Variants in FAM204A observed in about 807,000 individuals in gnomAD.
FAM204A encodes the protein protein FAM204A.
A neutral mutation model predicts 35.4 loss-of-function variants in FAM204A; 16 were observed. The observed-to-expected ratio is 0.45, with a 90% confidence interval of 0.31 to 0.69. FAM204A has a LOEUF of 0.69. Ranked by LOEUF, FAM204A falls within the 30% of genes least tolerant of loss-of-function variation. FAM204A has a pLI of 0.07. For missense variants in FAM204A, 240 were observed against 265.7 expected, an observed-to-expected ratio of 0.90 and a Z score of 0.67; for synonymous variants, 76 against 86.9, an observed-to-expected ratio of 0.88 and a Z score of 0.70.
At chr10:118,340,245 A>C (rs1236504286) in intron 2 of FAM204A, among the ~76,000 whole-genome samples, 1 of 152,232 alleles carries the variant, frequency 6.6e-6, no homozygotes, top group Non-Finnish European at 1.5e-5. Flanking sequence ...CAATCTTTCA[A>C]AATAAAGCAG....
chr10:118,325,594 C>T (rs1846185577), intron 7 of FAM204A, among the ~76,000 whole-genome samples: 1 of 151,966 alleles, frequency 6.6e-6, no homozygotes, highest in African/African-American at 2.4e-5. Context: ...GGGAATTTGC[C>T]CACACCCCAC....
At position 118,302,267 on chromosome 10, in the gene FAM204A, G is replaced by C. The variant is rs1412743943; in HGVS notation, c.*8590C>G. ...TGAGAAAAGGAAATGCAGGAAGAGG[G>C]ATCCATTTCTTCCAGATTCTGTTAT... is the stretch of plus-strand genomic sequence containing the variant. On this transcript the variant is annotated 3_prime_UTR_variant, in exon 9 of 9. Transcript: ENST00000369183. 1 of 152,198 alleles carries C rather than the reference G, an allele frequency of 6.6e-6. No individual in the cohort carries two copies. Among genetic ancestry groups the C allele is most frequent in the African/African-American group, 2.4e-5 (1 of 41,440 alleles). 9.4% of individuals were successfully genotyped at this position (152,198 alleles called of 1,614,324 possible). A position where few individuals can be genotyped will look rare whatever the true frequency, so the allele number is the denominator to read the frequency against.
intron 7 of FAM204A, among the ~76,000 whole-genome samples, chr10:118,315,701 C>T (rs1205164280): frequency 2.0e-5 from 3 of 152,076 alleles, no homozygotes; most frequent in African/African-American, 7.2e-5. Flanking sequence ...AAGCAAGTTA[C>T]CTAGGAGACG....
Position 118,336,312 on chromosome 10 carries a change from T to C in FAM204A, c.104A>G (p.Asp35Gly). The change falls in exon 3 of 9, where the codon GAT (aspartate) becomes GGT (glycine). Residue 35 changes from aspartate (D) to glycine (G), a missense_variant. By Grantham distance (94) the Asp-to-Gly change is moderately conservative (BLOSUM62 -1). This residue lies in a region of FAM204A where 232 missense variants were observed against 242.8 expected (regional missense o/e 0.96). Transcript: ENST00000369183. The part of the protein sequence containing the change: ...LENSGLNLQE[D>G]KEDESIRKTE... ...TTTTCTGATGCTCTCATCCTCTTTA[T>C]CTTCCTGTAAGTTAAGTCCAGAGTT... 1 of 1,614,060 alleles carries C rather than the reference T, an allele frequency of 6.2e-7. No homozygotes were observed. The highest frequency in any genetic ancestry group is 8.5e-7 in the Non-Finnish European group (1 of 1,179,910).
intron 6 of FAM204A, among the ~76,000 whole-genome samples, chr10:118,331,548 C>T (rs1846287790): frequency 6.6e-6 from 1 of 152,102 alleles, no homozygotes; most frequent in African/African-American, 2.4e-5. Flanking sequence ...ACATTGTGGG[C>T]TAACATCTAT....
chr10:118,314,826 G>C (rs1221778582), intron 7 of FAM204A, among the ~76,000 whole-genome samples: 4 of 152,022 alleles, frequency 2.6e-5, no homozygotes, highest in Non-Finnish European at 5.9e-5. Context: ...CCAATATTTT[G>C]CTGCATTTTA....
chr10:118,324,557 G>A (rs1165800289), intron 7 of FAM204A, among the ~76,000 whole-genome samples: 1 of 152,144 alleles, frequency 6.6e-6, no homozygotes, highest in Non-Finnish European at 1.5e-5. Context: ...GAGTAAATTT[G>A]AGGACACTAT....
Position 118,335,227 on chromosome 10 carries a change from G to GT in FAM204A, c.354-15dup, listed in dbSNP as rs1450554530. On this transcript the variant is annotated splice_polypyrimidine_tract_variant and intron_variant, in intron 5 of 8. Coordinates refer to ENST00000369183, the MANE Select transcript of FAM204A (RefSeq NM_022063.3). ...GAGGACGGTTCACTAAAAGAAGATA[G>GT]TAAGTTTTGTTTTATACAATATATA... 4.4e-6 allele frequency: 7 copies of GT among 1,606,778 alleles called. No individual in the cohort carries two copies. Among genetic ancestry groups the GT allele is most frequent in the East Asian group, 2.2e-5 (1 of 44,766 alleles).
chr10:118,319,583 A>T (rs1846080493), intron 7 of FAM204A, among the ~76,000 whole-genome samples: 10 of 152,028 alleles, frequency 6.6e-5, no homozygotes, highest in Admixed American at 6.6e-4. Flanking sequence ...TTATATTCTC[A>T]ATAATATTAA....
chr10:118,326,849 A>G (rs1275376487), intron 6 of FAM204A, among the ~76,000 whole-genome samples: 1 of 152,206 alleles, frequency 6.6e-6, no homozygotes, highest in Non-Finnish European at 1.5e-5. Flanking sequence ...TATGACCATT[A>G]GGCTGAATAT....
rs999398684 is a variant in FAM204A at position 118,301,926 on chromosome 10, A to C, written c.*8931T>G. 1 of 152,616 alleles carries C rather than the reference A, an allele frequency of 6.6e-6. No individual in the cohort carries two copies. The highest frequency in any genetic ancestry group is 1.5e-5 in the Non-Finnish European group (1 of 68,064). 9.5% of individuals were successfully genotyped at this position (152,616 alleles called of 1,614,324 possible). On this transcript the variant is annotated 3_prime_UTR_variant, in exon 9 of 9. Transcript: ENST00000369183. ...TATTCTAACATTTGCTGGCATCAGC[A>C]ACACACCTGCCTCCGTCCTTTTTCT...
chr10:118,321,872 A>T (rs939056588), intron 7 of FAM204A, among the ~76,000 whole-genome samples: 4 of 152,138 alleles, frequency 2.6e-5, no homozygotes, highest in Non-Finnish European at 2.9e-5. Flanking sequence ...AGCGAGGTAG[A>T]CAAGGACAGA....
intron 2 of FAM204A, among the ~76,000 whole-genome samples, chr10:118,339,549 T>C (rs550988487): frequency 6.6e-6 from 1 of 152,308 alleles, no homozygotes; most frequent in East Asian, 1.9e-4. Flanking sequence ...ACGTGGAATA[T>C]CAGAGAAACA....
At chr10:118,327,903 A>C (rs1184837529) in intron 6 of FAM204A, among the ~76,000 whole-genome samples, 7 of 152,186 alleles carry the variant, frequency 4.6e-5, no homozygotes, top group Non-Finnish European at 8.8e-5. Flanking sequence ...TTTGAGGCTG[A>C]AGTGGGCTAT....
intron 2 of FAM204A, among the ~76,000 whole-genome samples, chr10:118,338,195 CA>C (rs1589731982): frequency 6.6e-6 from 1 of 152,270 alleles, no homozygotes; most frequent in East Asian, 1.9e-4. Context: ...ATATAAGCTC[CA>C]GGCCCCATAA....
At chr10:118,311,703 A>T (rs1215793850) in intron 7 of FAM204A, among the ~76,000 whole-genome samples, 1 of 152,230 alleles carries the variant, frequency 6.6e-6, no homozygotes, top group Non-Finnish European at 1.5e-5. Context: ...GAATTACAGC[A>T]ACTCAGTATG....
rs562186126 is a variant in FAM204A at position 118,303,071 on chromosome 10, C to T, written c.*7786G>A. On this transcript the variant is annotated 3_prime_UTR_variant, in exon 9 of 9. Coordinates refer to ENST00000369183, the MANE Select transcript of FAM204A (RefSeq NM_022063.3). ...GGGTAGGGAAGAGGCAAAGGCCTGG[C>T]CTGCGTTCTAACGTCAGCCCTTTTA... The T allele has an allele frequency of 2.0e-5, 3 of 152,320 alleles. No individual in the cohort carries two copies. In the East Asian group the frequency reaches 5.8e-4, roughly 29 times the overall value. The allele number at this position is 152,320 out of a possible 1,614,324, so 9.4% of individuals were successfully genotyped here. A position where few individuals can be genotyped will look rare whatever the true frequency, so the allele number is the denominator to read the frequency against.
intron 7 of FAM204A, among the ~76,000 whole-genome samples, chr10:118,319,519 A>G (rs1283476701): frequency 6.6e-6 from 1 of 151,992 alleles, no homozygotes; most frequent in East Asian, 1.9e-4. Flanking sequence ...ATCTATAAAG[A>G]GGGTACCATT....
rs761106731 is a variant in FAM204A, at chr10:118,336,364, T to A, written c.52A>T (p.Asn18Tyr). ...PGLNESDAES[N>Y]SEDEATLENS... ...TCCAACGTAGCTTCATCTTCCGAGTTTGACTCAGCGTCACTTTCATTTAGG... is the reference window on the plus strand; with the variant it reads ...TCCAACGTAGCTTCATCTTCCGAGTATGACTCAGCGTCACTTTCATTTAGG... Residue 18 changes from asparagine (N) to tyrosine (Y), a missense_variant, in exon 3 of 9, where the codon AAC becomes TAC. Asn to Tyr is a moderately radical substitution (Grantham distance 143). Transcript: ENST00000369183. The A allele has an allele frequency of 6.2e-7, 1 of 1,613,938 alleles. No individual in the cohort carries two copies. The highest frequency in any genetic ancestry group is 8.5e-7 in the Non-Finnish European group (1 of 1,179,842).
Sources: allele counts gnomAD v4.1 joint callset (sites outside exome capture counted in the v4.1 genomes callset), GRCh38; gene constraint gnomAD v4.1.1; regional missense constraint gnomAD v4.1.1; transcripts MANE v1.5; gene names NCBI Gene and HGNC (gene_info 2026-07-23, HGNC 2026-07-21).